VAPA: variants seen among roughly 807,000 people sequenced by gnomAD.
The protein encoded by VAPA is VAMP associated protein A.
A neutral mutation model predicts 25.6 loss-of-function variants in VAPA; 6 were observed. The ratio of observed to expected loss-of-function variants is 0.23; its 90% CI spans 0.13 to 0.46. VAPA has a LOEUF of 0.46. Among genes scored for constraint, VAPA ranks in the 20% least tolerant of loss-of-function variants. The pLI, the probability that VAPA is intolerant of heterozygous loss-of-function variation, is 0.99. For synonymous variants in VAPA, 112 were observed against 106.2 expected, an observed-to-expected ratio of 1.05 and a Z score of -0.34; for missense variants, 244 against 302.1, an observed-to-expected ratio of 0.81 and a Z score of 1.43.
chr18:9,935,618 C>T (rs777650341), intron 2 of VAPA, among the ~76,000 whole-genome samples: 24 of 152,196 alleles, frequency 1.6e-4, no homozygotes, highest in Non-Finnish European at 3.2e-4. Context: ...TTTTAAGTTA[C>T]TGAGTATTTC....
chr18:9,950,607 A>G, intron 5 of VAPA, 39 bp downstream of exon 5: 1 of 1,600,748 alleles, frequency 6.2e-7, no homozygotes, highest in Non-Finnish European at 8.5e-7. Context: ...ATTGAAATGA[A>G]GGTATAGGAC....
chr18:9,952,830 G>T (rs1246827554), intron 5 of VAPA, among the ~76,000 whole-genome samples: 1 of 152,176 alleles, frequency 6.6e-6, no homozygotes, highest in East Asian at 1.9e-4. Flanking sequence ...GTAGATGTTT[G>T]TGATGTGTAG....
intron 5 of VAPA, 94 bp from the exon 6 acceptor site, chr18:9,953,959 T>C (rs769334779): frequency 6.7e-7 from 1 of 1,488,050 alleles, no homozygotes; most frequent in East Asian, 2.3e-5. Flanking sequence ...AGGCAACCAC[T>C]AATCTACTTT....
chr18:9,921,374 T>C (rs2069155527), intron 1 of VAPA, among the ~76,000 whole-genome samples: 2 of 152,174 alleles, frequency 1.3e-5, no homozygotes. Context: ...ATTTCTTGGG[T>C]GTTCTGTCTT....
chr18:9,924,736 A>C (rs996211788), intron 1 of VAPA, among the ~76,000 whole-genome samples: 1 of 152,198 alleles, frequency 6.6e-6, no homozygotes, highest in African/African-American at 2.4e-5. Context: ...GTCACATGAC[A>C]TGAGAGAAGC....
chr18:9,931,834 C>T lies in VAPA; in HGVS notation c.104C>T (p.Thr35Ile). ...FKGPFTDVVT[T>I]NLKLRNPSDR... Reference sequence around the variant, plus strand: ...GGCCCCTTCACAGATGTAGTCACTACAAATCTTAAATTGCGAAATCCATCG... The same window carrying T: ...GGCCCCTTCACAGATGTAGTCACTATAAATCTTAAATTGCGAAATCCATCG... Residue 35 changes from threonine (T) to isoleucine (I), a missense_variant, in exon 2 of 6, where the codon ACA becomes ATA. This residue lies in a region of VAPA where 99 missense variants were observed against 161.6 expected (regional missense o/e 0.61). Coordinates refer to ENST00000400000, the MANE Select transcript of VAPA (RefSeq NM_194434.3). The T allele has an allele frequency of 6.2e-7, 1 of 1,613,734 alleles. No individual in the cohort carries two copies. Among genetic ancestry groups the T allele is most frequent in the Non-Finnish European group, 8.5e-7 (1 of 1,179,846 alleles).
intron 1 of VAPA, chr18:9,914,607 G>A: frequency 6.4e-6 from 1 of 156,240 alleles, no homozygotes; most frequent in East Asian, 1.8e-4. Context: ...TGGCGCCGCC[G>A]CCGCCGCCAT....
At chr18:9,949,314 T>TAA (rs2069462004) in intron 4 of VAPA, 1 of 152,252 alleles carries the variant, frequency 6.6e-6, no homozygotes, top group Non-Finnish European at 1.5e-5. Context: ...ATACATGCTG[T>TAA]TGTTCATTAG....
chr18:9,933,866 G>T (rs2069281329), intron 2 of VAPA, among the ~76,000 whole-genome samples: 1 of 152,134 alleles, frequency 6.6e-6, no homozygotes, highest in South Asian at 2.1e-4. Flanking sequence ...AATCCACATG[G>T]CTAAAAATAG....
At chr18:9,935,467 AG>A (rs1365163814) in intron 2 of VAPA, among the ~76,000 whole-genome samples, 1 of 152,186 alleles carries the variant, frequency 6.6e-6, no homozygotes, top group African/African-American at 2.4e-5. Context: ...TTAGCTATTT[AG>A]GAGCCTGAAG....
At chr18:9,944,373 C>G (rs573068718) in intron 4 of VAPA, among the ~76,000 whole-genome samples, 1 of 151,914 alleles carries the variant, frequency 6.6e-6, no homozygotes, top group African/African-American at 2.4e-5. Context: ...AGTATTTTAT[C>G]TATTAAAGGA....
chr18:9,939,136 G>T, intron 4 of VAPA, among the ~76,000 whole-genome samples: 1 of 149,418 alleles, frequency 6.7e-6, no homozygotes. Flanking sequence ...TCTGCAGTTT[G>T]TTTGAATTAG....
intron 3 of VAPA, 54 bp from the exon 4 acceptor site, chr18:9,936,928 AACTT>A (rs2069317002): frequency 2.0e-6 from 3 of 1,514,844 alleles, no homozygotes; most frequent in Middle Eastern, 1.7e-4. Context: ...CGTGAGGTGA[AACTT>A]ACTTACCATG....
At chr18:9,939,297 T>C (rs997165414) in intron 4 of VAPA, among the ~76,000 whole-genome samples, 4 of 151,672 alleles carry the variant, frequency 2.6e-5, no homozygotes, top group African/African-American at 9.7e-5. Flanking sequence ...TCAGCCTCTC[T>C]AGTAGCTGGG....
intron 4 of VAPA, among the ~76,000 whole-genome samples, chr18:9,939,187 T>C (rs2069341424): frequency 6.6e-6 from 1 of 151,746 alleles, no homozygotes; most frequent in Non-Finnish European, 1.5e-5. Flanking sequence ...TTTTTTTTTT[T>C]TTGAGACGGA....
chr18:9,914,416 C>A (rs527371666), intron 1 of VAPA, 81 bp downstream of exon 1: 5 of 1,336,820 alleles, frequency 3.7e-6, no homozygotes, highest in South Asian at 2.9e-5. Context: ...GAGGGCACGT[C>A]CGCGGCCCTG....
intron 2 of VAPA, among the ~76,000 whole-genome samples, chr18:9,932,560 C>T (rs1365909447): frequency 6.6e-6 from 1 of 152,176 alleles, no homozygotes; most frequent in Non-Finnish European, 1.5e-5. Flanking sequence ...ATCTAATGCC[C>T]CCTATAAACT....
At chr18:9,952,907 A>C (rs2069505229) in intron 5 of VAPA, among the ~76,000 whole-genome samples, 1 of 152,208 alleles carries the variant, frequency 6.6e-6, no homozygotes, top group Non-Finnish European at 1.5e-5. Context: ...CAACTCCAGA[A>C]AATCCAGTAA....
chr18:9,936,790 G>T (rs1051986639), intron 3 of VAPA, 196 bp from the exon 4 acceptor site: 3 of 468,514 alleles, frequency 6.4e-6, no homozygotes, highest in Non-Finnish European at 1.1e-5. Context: ...TTTAATGGAT[G>T]GTGATAGTAA....
Sources: gnomAD v4.1 joint callset for allele counts (sites outside exome capture counted in the v4.1 genomes callset) on GRCh38, gnomAD v4.1.1 for gene constraint, gnomAD v4.1.1 regional missense constraint, MANE v1.5 for transcripts, NCBI Gene and HGNC (gene_info 2026-07-23, HGNC 2026-07-21) for gene names.